The following PCDHGB6 variants were observed in gnomAD, a reference collection of about 807,000 sequenced individuals.
PCDHGB6 encodes protocadherin gamma subfamily B, 6.
In PCDHGB6, 51 loss-of-function variants were observed where a neutral mutation model predicts 59.1. The observed-to-expected ratio is 0.86, with a 90% CI of 0.69 to 1.09. PCDHGB6 has a LOEUF of 1.09. Among genes scored for constraint, PCDHGB6 ranks in the 50% least tolerant of loss-of-function variants. The probability of loss-of-function intolerance (pLI) is 0.00; values close to 1 mark genes in which losing one functional copy is unlikely to be tolerated. For missense variants in PCDHGB6, 1,148 were observed against 1,205.1 expected (o/e 0.95, Z 0.70); for synonymous variants, 466 against 495.1 (o/e 0.94, Z 0.78).
Position 141,511,225 on chromosome 5 carries a change from C to T in PCDHGB6, c.*52C>T, listed in dbSNP as rs2099883678. On this transcript the variant is annotated 3_prime_UTR_variant, in exon 4 of 4. Transcript: ENST00000520790. Reference sequence around the variant, plus strand: ...GGCGGCCTCTCCCCAACCAGCCCAGCTTCTCCTTACCTGCACCCAGGCCTC... The same window carrying T: ...GGCGGCCTCTCCCCAACCAGCCCAGTTTCTCCTTACCTGCACCCAGGCCTC... 1.9e-6 allele frequency: 3 copies of T among 1,601,506 alleles called. No individual in the cohort carries two copies. Among genetic ancestry groups the T allele is most frequent in the Non-Finnish European group, 2.6e-6 (3 of 1,174,170 alleles).
chr5:141,460,377 T>C (rs1592666836), intron 1 of PCDHGB6, among the ~76,000 whole-genome samples: 1 of 152,342 alleles, frequency 6.6e-6, no homozygotes, highest in Non-Finnish European at 1.5e-5. Flanking sequence ...AGTTTTACCA[T>C]TTATAATTTG....
intron 1 of PCDHGB6, chr5:141,433,288 G>A (rs2097582001): frequency 5.3e-6 from 6 of 1,136,424 alleles, no homozygotes; most frequent in Non-Finnish European, 7.5e-6. Flanking sequence ...CAAACTCCTA[G>A]GCTCAAGCAA....
In PCDHGB6 at chr5:141,432,091, C is replaced by A. The variant is rs370491149; in HGVS notation, c.2418+21471C>A. ...CTCATATCTCGCTGAACGTGGCAGA[C>A]ACCAACGACAACCCGCCGGTCTTCC... On this transcript the variant is annotated intron_variant, in intron 1 of 3. Coordinates refer to ENST00000520790, the MANE Select transcript of PCDHGB6 (RefSeq NM_018926.3). This position sits in a 1 kb window ranked among gnomAD's most constrained non-coding sequence, Gnocchi z 6.0. 6.2e-7 allele frequency: 1 copy of A among 1,614,056 alleles called. No individual in the cohort carries two copies. Among genetic ancestry groups the A allele is most frequent in the African/African-American group, 1.3e-5 (1 of 74,908 alleles).
chr5:141,422,908 C>G, intron 1 of PCDHGB6: 1 of 1,614,244 alleles, frequency 6.2e-7, no homozygotes, highest in Non-Finnish European at 8.5e-7. Flanking sequence ...CGACAATGCG[C>G]CCGAGATCCT....
At position 141,485,222 on chromosome 5, in the gene PCDHGB6, C is replaced by T; in HGVS notation, c.2419-9585C>T. On this transcript the variant is annotated intron_variant, in intron 1 of 3. Transcript: ENST00000520790. The surrounding 1 kb of genome is among the most constrained non-coding windows in gnomAD (Gnocchi z 5.7). The stretch of plus-strand genomic sequence containing the variant: ...GACAGAAATCTGGCGGTGGGCTACC[C>T]TTTTGTTCCTCTTTTACCACCTGGG... 4 of 1,614,196 alleles carry T rather than the reference C, an allele frequency of 2.5e-6. No homozygotes were observed. Among genetic ancestry groups the T allele is most frequent in the Non-Finnish European group, 2.5e-6 (3 of 1,180,020 alleles).
chr5:141,442,650 G>A (rs192694987), intron 1 of PCDHGB6, among the ~76,000 whole-genome samples: 83 of 152,350 alleles, frequency 5.4e-4, no homozygotes, highest in Admixed American at 9.1e-4. Flanking sequence ...CCTAAGATGA[G>A]AAATATTTGG....
Position 141,489,084 on chromosome 5 carries a change from C to CCG in PCDHGB6, c.2419-5723_2419-5722insCG. On this transcript the variant is annotated intron_variant, in intron 1 of 3. Coordinates refer to ENST00000520790, the MANE Select transcript of PCDHGB6 (RefSeq NM_018926.3). The surrounding 1 kb of genome is among the most constrained non-coding windows in gnomAD (Gnocchi z 4.5). ...CTCCCCCCTGCCCACCCCCGCCACT[C>CCG]GGTGACTAAGAACTGCTGCAAGCAG... 9.1e-6 allele frequency: 3 copies of CCG among 329,130 alleles called. No individual in the cohort carries two copies. The highest frequency in any genetic ancestry group is 5.4e-6 in the Non-Finnish European group (1 of 186,464). The allele number at this position is 329,130 out of a possible 1,614,324, so 20.4% of individuals were successfully genotyped here. A position where few individuals can be genotyped will look rare whatever the true frequency, so the allele number is the denominator to read the frequency against.
At position 141,486,383 on chromosome 5, in the gene PCDHGB6, C is replaced by A. The variant is rs757384186; in HGVS notation, c.2419-8424C>A. On this transcript the variant is annotated intron_variant, in intron 1 of 3. Transcript: ENST00000520790. The surrounding 1 kb of genome is among the most constrained non-coding windows in gnomAD (Gnocchi z 5.0). ...TGCCCTCAAGTCTGCCTTCAGGAAC[C>A]AGTTCTCCCTGGTGACTGCTGGACC... The A allele has an allele frequency of 6.2e-7, 1 of 1,614,040 alleles. No homozygotes were observed. Among genetic ancestry groups the A allele is most frequent in the East Asian group, 2.2e-5 (1 of 44,884 alleles).
chr5:141,500,430 C>T (rs2099800127), intron 2 of PCDHGB6, among the ~76,000 whole-genome samples: 1 of 151,676 alleles, frequency 6.6e-6, no homozygotes, highest in African/African-American at 2.4e-5. Context: ...AGGATGGTCT[C>T]GATCTCCTGA....
In PCDHGB6 at chr5:141,410,068, C is replaced by A; in HGVS notation, c.1866C>A (p.Arg622=). ...SEPGLFSLGL[R]TGEVRTARAL... ...CCGGACTCTTCAGCCTGGGGCTGCG[C>A]ACTGGGGAGGTGCGCACGGCTCGAG... Residue 622 remains arginine, a synonymous_variant, in exon 1 of 4, where the codon CGC becomes CGA. Coordinates refer to ENST00000520790, the MANE Select transcript of PCDHGB6 (RefSeq NM_018926.3). 1 of 1,612,950 alleles carries A rather than the reference C, an allele frequency of 6.2e-7. No individual in the cohort carries two copies.
intron 1 of PCDHGB6, among the ~76,000 whole-genome samples, chr5:141,465,137 GGGGA>G (rs2099097662): frequency 2.0e-5 from 3 of 151,520 alleles, no homozygotes; most frequent in Non-Finnish European, 4.4e-5. Context: ...AAAAAGTTTA[GGGGA>G]TATATGAAGG....
intron 1 of PCDHGB6, chr5:141,418,384 C>A (rs774636792): frequency 1.5e-5 from 25 of 1,613,864 alleles, no homozygotes; most frequent in East Asian, 4.5e-5. Context: ...TAAGTCCTAA[C>A]GAGTATTTCT....
At chr5:141,488,069 C>T (rs1197698273) in intron 1 of PCDHGB6, among the ~76,000 whole-genome samples, 1 of 152,072 alleles carries the variant, frequency 6.6e-6, no homozygotes, top group Non-Finnish European at 1.5e-5. Context: ...ATCTTTGTCT[C>T]CCAGTATCTA....
intron 1 of PCDHGB6, chr5:141,417,591 C>T (rs1287721863): frequency 2.1e-6 from 1 of 484,478 alleles, no homozygotes; most frequent in East Asian, 3.4e-5. Context: ...CACAGAGCCT[C>T]TGGGCGCCGC....
At chr5:141,504,634 AG>A (rs2099839600) in intron 2 of PCDHGB6, among the ~76,000 whole-genome samples, 1 of 115,756 alleles carries the variant, frequency 8.6e-6, no homozygotes, top group Non-Finnish European at 1.7e-5. Context: ...ACCTTGGAAA[AG>A]GTTTGATGAT....
At position 141,491,686 on chromosome 5, in the gene PCDHGB6, C is replaced by CG; in HGVS notation, c.2419-3118dup. 1 of 1,612,970 alleles carries CG rather than the reference C, an allele frequency of 6.2e-7. No individual in the cohort carries two copies. The highest frequency in any genetic ancestry group is 2.2e-5 in the East Asian group (1 of 44,838). ...CATCCGGTCCCGCTCTAATACGCTG[C>CG]GGGAGCGGAGCCAGGTGAGGGGCTC... On this transcript the variant is annotated intron_variant, in intron 1 of 3. Transcript: ENST00000520790. The surrounding 1 kb of genome is among the most constrained non-coding windows in gnomAD (Gnocchi z 6.9).
At chr5:141,484,790 A>T (rs1562101198) in intron 1 of PCDHGB6, among the ~76,000 whole-genome samples, 1 of 152,076 alleles carries the variant, frequency 6.6e-6, no homozygotes, top group Admixed American at 6.6e-5. Flanking sequence ...CACAGAGATA[A>T]CAACCCGTGG....
At chr5:141,492,189 G>C (rs2099737936) in intron 1 of PCDHGB6, among the ~76,000 whole-genome samples, 1 of 152,204 alleles carries the variant, frequency 6.6e-6, no homozygotes, top group Non-Finnish European at 1.5e-5. Context: ...GCACCTGTCT[G>C]CGGGACTTAG....
intron 1 of PCDHGB6, chr5:141,478,814 C>T (rs1271237848): frequency 6.9e-7 from 1 of 1,451,050 alleles, no homozygotes; most frequent in East Asian, 2.5e-5. Context: ...GCTATCACAA[C>T]TAACCAATCT....
Sources: gnomAD v4.1 joint callset for allele counts (sites outside exome capture counted in the v4.1 genomes callset) on GRCh38, gnomAD v4.1.1 for gene constraint, Gnocchi (gnomAD v3.1) non-coding constraint, MANE v1.5 for transcripts, NCBI Gene and HGNC (gene_info 2026-07-23, HGNC 2026-07-21) for gene names.